The following GPC5 variants were observed in gnomAD, a reference collection of about 807,000 sequenced individuals.
GPC5 encodes glypican-5.
In GPC5, 47 loss-of-function variants were observed where a neutral mutation model predicts 53.9. That is an observed-to-expected ratio of 0.87 (90% CI 0.69 to 1.11). The LOEUF (loss-of-function observed/expected upper bound fraction) is 1.11. Ranked by LOEUF, GPC5 falls within the 50% of genes most tolerant of loss-of-function variation. GPC5 has a pLI of 0.00. For missense variants in GPC5, 748 were observed against 713.1 expected (o/e 1.05, Z -0.56); for synonymous variants, 286 against 263.3 (o/e 1.09, Z -0.84).
At chr13:91,499,580 T>C (rs184907574) in intron 2 of GPC5, among the ~76,000 whole-genome samples, 1 of 152,322 alleles carries the variant, frequency 6.6e-6, no homozygotes, top group East Asian at 1.9e-4. Context: ...TTCACAATTG[T>C]TTTTTAAAAT....
intron 6 of GPC5, among the ~76,000 whole-genome samples, chr13:92,074,776 G>A (rs1260534620): frequency 1.3e-5 from 2 of 152,128 alleles, no homozygotes; most frequent in African/African-American, 4.8e-5. Flanking sequence ...AGAATAATAG[G>A]AGGGTAGGAA....
At chr13:91,526,124 T>C (rs565221934) in intron 2 of GPC5, among the ~76,000 whole-genome samples, 2 of 152,286 alleles carry the variant, frequency 1.3e-5, no homozygotes, top group Admixed American at 1.3e-4. Flanking sequence ...GTTTAGAGGT[T>C]CCAAATACGA....
At chr13:92,206,325 C>T (rs759336410) in intron 7 of GPC5, among the ~76,000 whole-genome samples, 22 of 151,082 alleles carry the variant, frequency 1.5e-4, no homozygotes, top group African/African-American at 3.6e-4. Flanking sequence ...CCACCACGCC[C>T]GGCTAATTTT....
intron 6 of GPC5, among the ~76,000 whole-genome samples, chr13:92,098,863 A>C (rs2041442671): frequency 6.6e-6 from 1 of 152,130 alleles, no homozygotes; most frequent in Admixed American, 6.5e-5. Flanking sequence ...TGGACACCTA[A>C]CCTTCAGAAA....
At chr13:92,153,530 C>A (rs1429462809) in intron 7 of GPC5, among the ~76,000 whole-genome samples, 1 of 152,182 alleles carries the variant, frequency 6.6e-6, no homozygotes, top group Non-Finnish European at 1.5e-5. Flanking sequence ...GAGTTGATGT[C>A]AATCAGTGGC....
intron 7 of GPC5, among the ~76,000 whole-genome samples, chr13:92,195,502 C>A (rs2042250769): frequency 6.6e-6 from 1 of 152,064 alleles, no homozygotes; most frequent in Non-Finnish European, 1.5e-5. Flanking sequence ...CAGATTCAAA[C>A]CCAAATTTTT....
chr13:92,248,863 C>G (rs943806683), intron 7 of GPC5, among the ~76,000 whole-genome samples: 2 of 151,946 alleles, frequency 1.3e-5, no homozygotes, highest in African/African-American at 4.8e-5. Flanking sequence ...TGTTTATTGA[C>G]AAGGTTAATC....
At chr13:91,558,986 G>C (rs894661988) in intron 2 of GPC5, among the ~76,000 whole-genome samples, 1 of 151,928 alleles carries the variant, frequency 6.6e-6, no homozygotes, top group African/African-American at 2.4e-5. Context: ...AATTCTTTAT[G>C]GTGAACACTT....
chr13:91,465,749 C>T (rs1566423893), intron 2 of GPC5, among the ~76,000 whole-genome samples: 1 of 152,024 alleles, frequency 6.6e-6, no homozygotes, highest in Non-Finnish European at 1.5e-5. Flanking sequence ...TTATCTTTAA[C>T]TTTTTTTCCT....
intron 5 of GPC5, among the ~76,000 whole-genome samples, chr13:91,771,165 A>C (rs2037617726): frequency 6.6e-6 from 1 of 152,240 alleles, no homozygotes; most frequent in African/African-American, 2.4e-5. Context: ...GGCAAAGTGC[A>C]TGAATAGATA....
At chr13:91,985,751 T>C (rs1315621559) in intron 6 of GPC5, among the ~76,000 whole-genome samples, 1 of 152,204 alleles carries the variant, frequency 6.6e-6, no homozygotes, top group Admixed American at 6.5e-5. Context: ...TTTTGTGCTA[T>C]TTTGTCATAT....
chr13:91,546,938 A>C (rs986318607), intron 2 of GPC5, among the ~76,000 whole-genome samples: 3 of 152,076 alleles, frequency 2.0e-5, no homozygotes, highest in African/African-American at 7.2e-5. Flanking sequence ...CCTTGGAATA[A>C]GGTAAGAATG....
chr13:91,911,062 G>T (rs763698116), intron 6 of GPC5, among the ~76,000 whole-genome samples: 17 of 152,148 alleles, frequency 1.1e-4, no homozygotes, highest in Non-Finnish European at 2.1e-4. Context: ...GGGGCAGAAG[G>T]AAAAGTAGGC....
At chr13:92,030,890 T>C (rs2040835743) in intron 6 of GPC5, among the ~76,000 whole-genome samples, 2 of 152,222 alleles carry the variant, frequency 1.3e-5, no homozygotes, top group South Asian at 4.1e-4. Flanking sequence ...TTTTTCTTTT[T>C]GCCCAATAAA....
intron 2 of GPC5, among the ~76,000 whole-genome samples, chr13:91,674,328 C>T (rs1317296246): frequency 6.6e-6 from 1 of 151,468 alleles, no homozygotes; most frequent in East Asian, 1.9e-4. Flanking sequence ...CCATTGAAGG[C>T]CCAAGGCAAT....
chr13:92,593,012 A>G (rs759324346), intron 7 of GPC5, among the ~76,000 whole-genome samples: 13 of 151,146 alleles, frequency 8.6e-5, no homozygotes, highest in Non-Finnish European at 1.3e-4. Context: ...TGGCTGGGGA[A>G]TAGATCCCTG....
At chr13:92,017,241 A>G (rs2040715565) in intron 6 of GPC5, among the ~76,000 whole-genome samples, 1 of 151,794 alleles carries the variant, frequency 6.6e-6, no homozygotes, top group African/African-American at 2.4e-5. Flanking sequence ...GTGGAGATCT[A>G]GGACTTCCAC....
intron 2 of GPC5, among the ~76,000 whole-genome samples, chr13:91,572,192 C>CACATATGCATATATACGTGTGTATAT (rs1594274140): frequency 9.1e-6 from 1 of 110,316 alleles, no homozygotes; most frequent in Non-Finnish European, 1.7e-5. Context: ...TGTGTATACA[C>CACATATGCATATATACGTGTGTATAT]ACACATATGT....
chr13:92,819,854 C>A (rs1377124152), intron 7 of GPC5, among the ~76,000 whole-genome samples: 1 of 152,158 alleles, frequency 6.6e-6, no homozygotes, highest in Non-Finnish European at 1.5e-5. Context: ...TTGATGTCAA[C>A]TCTGAGCAAC....
Sources: gnomAD v4.1 joint callset for allele counts (sites outside exome capture counted in the v4.1 genomes callset) on GRCh38, gnomAD v4.1.1 for gene constraint, MANE v1.5 for transcripts, NCBI Gene and HGNC (gene_info 2026-07-23, HGNC 2026-07-21) for gene names.